The following CFAP46 variants were observed in gnomAD, a reference collection of about 807,000 sequenced individuals.
CFAP46 encodes the protein cilia and flagella associated protein 46.
In CFAP46, 245 loss-of-function variants were observed where a neutral mutation model predicts 325.7. The observed-to-expected ratio is 0.75, with a 90% confidence interval of 0.68 to 0.84. The LOEUF (loss-of-function observed/expected upper bound fraction) is 0.84. CFAP46 is among the 40% of genes least tolerant of loss of function. CFAP46 has a pLI of 0.00. For synonymous variants in CFAP46, 1,523 were observed against 1,495.9 expected, an observed-to-expected ratio of 1.02 and a Z score of -0.42; for missense variants, 3,346 against 3,543.0, an observed-to-expected ratio of 0.94 and a Z score of 1.41.
chr10:132,818,362 G>A (rs1847734083), intron 50 of CFAP46, among the ~76,000 whole-genome samples: 1 of 152,158 alleles, frequency 6.6e-6, no homozygotes, highest in Non-Finnish European at 1.5e-5. Context: ...GATGCATTTA[G>A]AGGATGTCAT....
chr10:132,837,549 GCA>G (rs1249531489), intron 44 of CFAP46, among the ~76,000 whole-genome samples: 15 of 116,290 alleles, frequency 1.3e-4, no homozygotes, highest in Middle Eastern at 6.2e-3. Flanking sequence ...ACACAGATGC[GCA>G]CACACAGACA....
In CFAP46 at chr10:132,930,848, A is replaced by G. The variant is rs12411630; in HGVS notation, c.867-1044T>C. On this transcript the variant is annotated intron_variant, in intron 8 of 57. Coordinates refer to ENST00000368586, the MANE Select transcript of CFAP46 (RefSeq NM_001200049.3). Reference sequence around the variant, plus strand: ...CCTGGGCCTTCCCCACACTCCTCACACAGAGCCTGGGCCTTCCCCACACTC... The same window carrying G: ...CCTGGGCCTTCCCCACACTCCTCACGCAGAGCCTGGGCCTTCCCCACACTC... Among the ~76,000 whole-genome samples, 81 of 58,798 alleles carry G rather than the reference A, an allele frequency of 1.4e-3. 1 individual carries two copies. Among genetic ancestry groups the G allele is most frequent in the Non-Finnish European group, 1.9e-3 (63 of 32,678 alleles). 38.6% of individuals were successfully genotyped at this position (58,798 alleles called of 152,430 possible).
intron 45 of CFAP46, 24 bp from the exon 46 acceptor site, chr10:132,836,242 G>C: frequency 6.2e-7 from 1 of 1,609,134 alleles, no homozygotes. Context: ...GTGGGCCAGG[G>C]TCGCAGGCAA....
intron 17 of CFAP46, among the ~76,000 whole-genome samples, chr10:132,914,906 C>T (rs1849612916): frequency 6.6e-6 from 1 of 152,248 alleles, no homozygotes; most frequent in Admixed American, 6.5e-5. Flanking sequence ...CCCTTCTGCC[C>T]AAGTGAGCGT....
intron 44 of CFAP46, among the ~76,000 whole-genome samples, chr10:132,842,014 C>T (rs1848353582): frequency 6.6e-6 from 1 of 152,252 alleles, no homozygotes; most frequent in African/African-American, 2.4e-5. Context: ...GGTGAACGGT[C>T]TAGAGCCTTG....
chr10:132,853,072 G>A (rs1045850423), intron 39 of CFAP46, among the ~76,000 whole-genome samples: 2 of 139,620 alleles, frequency 1.4e-5, no homozygotes, highest in East Asian at 2.0e-4. Flanking sequence ...TCCATAGGCC[G>A]GAACTCCCAT....
intron 16 of CFAP46, among the ~76,000 whole-genome samples, chr10:132,917,139 G>A (rs1480885382): frequency 6.6e-6 from 1 of 152,268 alleles, no homozygotes; most frequent in African/African-American, 2.4e-5. Context: ...CCGGCTCCCT[G>A]AGCAGAGAGT....
rs764513599 is a variant in CFAP46, at chr10:132,833,370, T to C, written c.7105A>G (p.Lys2369Glu). Residue 2369 changes from lysine to glutamate, a missense_variant, in exon 50 of 58, where the codon AAA becomes GAA. Coordinates refer to ENST00000368586, the MANE Select transcript of CFAP46 (RefSeq NM_001200049.3). ...SLQMLWNRLH[K>E]EETEGGVKKE... is the part of the protein sequence containing the mutation. ...GGGCAGTTCCTACCTGTCTCTTCTT[T>C]ATGGAGGCGATTCCACAGCATTTGA... 29 of 1,613,806 alleles carry C rather than the reference T, an allele frequency of 1.8e-5. No individual in the cohort carries two copies. In the East Asian group the frequency reaches 4.7e-4, roughly 26 times the overall value.
At chr10:132,861,665 G>A (rs1446788881) in intron 35 of CFAP46, among the ~76,000 whole-genome samples, 1 of 152,268 alleles carries the variant, frequency 6.6e-6, no homozygotes, top group Admixed American at 6.5e-5. Flanking sequence ...GTGCTGGTCA[G>A]AGGGTGAGGA....
intron 35 of CFAP46, among the ~76,000 whole-genome samples, chr10:132,862,912 G>A (rs906973747): frequency 6.6e-6 from 1 of 152,234 alleles, no homozygotes; most frequent in Middle Eastern, 3.4e-3. Context: ...TGAGAAGCCA[G>A]GGTGAGCTGA....
At chr10:132,937,931 C>T (rs1036330162) in intron 5 of CFAP46, among the ~76,000 whole-genome samples, 1 of 152,210 alleles carries the variant, frequency 6.6e-6, no homozygotes, top group Non-Finnish European at 1.5e-5. Flanking sequence ...GTTCCCCAAA[C>T]GGCCATATGG....
chr10:132,909,305 C>G (rs1305200914), intron 20 of CFAP46, 61 bp from the exon 21 acceptor site: 5 of 1,189,566 alleles, frequency 4.2e-6, no homozygotes, highest in Non-Finnish European at 6.1e-6. Context: ...CTGGAATATG[C>G]GTGAATTTAA....
At chr10:132,844,156 G>A (rs1216555954) in intron 44 of CFAP46, among the ~76,000 whole-genome samples, 3 of 150,252 alleles carry the variant, frequency 2.0e-5, no homozygotes, top group Non-Finnish European at 3.0e-5. Flanking sequence ...AGGGTGCTGT[G>A]GGGCTCTGCT....
In CFAP46 at chr10:132,922,773, C is replaced by G. The variant is rs1849747705; in HGVS notation, c.1257-65G>C. On this transcript the variant is annotated intron_variant, in intron 11 of 57. Coordinates refer to ENST00000368586, the MANE Select transcript of CFAP46 (RefSeq NM_001200049.3). ...GCGCCTCTGTCAGGCTGGGGTCACA[C>G]CCTCCAGAGGAAGGCCTGCAGTGGC... The G allele has an allele frequency of 4.5e-6, 6 of 1,333,618 alleles. No individual in the cohort carries two copies. In the South Asian group the frequency reaches 5.3e-5, roughly 12 times the overall value. The allele number at this position is 1,333,618 out of a possible 1,614,324, so 82.6% of individuals were successfully genotyped here. A position where few individuals can be genotyped will look rare whatever the true frequency, so the allele number is the denominator to read the frequency against.
chr10:132,825,178 G>A lies in CFAP46; in HGVS notation c.7117+8180C>T, dbSNP rs371798543. On this transcript the variant is annotated intron_variant, in intron 50 of 57. Transcript: ENST00000368586. ...GTGTGTGCAGTGATGTGTGCTGTGT[G>A]TGTGCTGTGTGCTGTGTGCGCTGTG... Among the ~76,000 whole-genome samples, 846 of 148,486 alleles carry A rather than the reference G, an allele frequency of 5.7e-3. 5 individuals are homozygous for A. Among genetic ancestry groups the A allele is most frequent in the African/African-American group, 0.02 (780 of 39,910 alleles).
intron 50 of CFAP46, among the ~76,000 whole-genome samples, chr10:132,822,155 C>CTGTGTGCTG (rs1591034051): frequency 8.8e-6 from 1 of 113,770 alleles, no homozygotes; most frequent in Non-Finnish European, 1.7e-5. Context: ...CTGATGTGTG[C>CTGTGTGCTG]TGTGTGCTGT....
chr10:132,822,504 C>CTGTGTGCTGA (rs1348484241), intron 50 of CFAP46, among the ~76,000 whole-genome samples: 1 of 101,394 alleles, frequency 9.9e-6, no homozygotes, highest in African/African-American at 4.0e-5. Flanking sequence ...CTGATGTGTG[C>CTGTGTGCTGA]TGTGTGCTGA....
chr10:132,814,382 G>A (rs1048333106), intron 53 of CFAP46, 128 bp from the exon 54 acceptor site: 2 of 1,025,434 alleles, frequency 2.0e-6, no homozygotes, highest in Middle Eastern at 2.2e-4. Context: ...ATGCCCGGGT[G>A]GGGTGATGGT....
chr10:132,911,059 C>T (rs1849533730), intron 19 of CFAP46, among the ~76,000 whole-genome samples: 2 of 152,218 alleles, frequency 1.3e-5, no homozygotes, highest in Admixed American at 6.5e-5. Flanking sequence ...AGCTCCTCTG[C>T]ACCCCCCAGC....
Sources: allele counts gnomAD v4.1 joint callset (sites outside exome capture counted in the v4.1 genomes callset), GRCh38; gene constraint gnomAD v4.1.1; transcripts MANE v1.5; gene names NCBI Gene and HGNC (gene_info 2026-07-23, HGNC 2026-07-21).